The following PEX5L variants were observed in gnomAD, a reference collection of about 807,000 sequenced individuals.
PEX5L encodes the protein PEX5-related protein.
PEX5L carries 30 observed loss-of-function variants against 84.0 expected under a neutral mutation model. That is an observed-to-expected ratio of 0.36 (90% confidence interval 0.27 to 0.48). The LOEUF is 0.48. Ranked by LOEUF, PEX5L falls within the 20% of genes least tolerant of loss-of-function variation. The pLI, the probability that PEX5L is intolerant of heterozygous loss-of-function variation, is 0.99. For missense variants in PEX5L, 533 were observed against 754.6 expected (o/e 0.71, Z 3.44); for synonymous variants, 270 against 283.1 (o/e 0.95, Z 0.46).
chr3:179,840,183 GTTT>G (rs71182521), intron 8 of PEX5L, among the ~76,000 whole-genome samples: 12,357 of 77,498 alleles, frequency 0.16, 551 homozygotes, highest in Non-Finnish European at 0.21. Flanking sequence ...GTGTGTGTGT[GTTT>G]TTTTTTTTTT....
chr3:179,915,912 A>G (rs1045237717), intron 2 of PEX5L, among the ~76,000 whole-genome samples: 1 of 152,248 alleles, frequency 6.6e-6, no homozygotes, highest in Non-Finnish European at 1.5e-5. Flanking sequence ...AATAGTATTC[A>G]GCATGTTACA....
At position 179,887,684 on chromosome 3, in the gene PEX5L, G is replaced by C; in HGVS notation, c.299C>G (p.Ser100Cys). Residue 100 changes from serine (S) to cysteine (C), a missense_variant, in exon 4 of 15, where the codon TCC (serine) becomes TGC (cysteine). Transcript: ENST00000467460. Reference protein sequence around the residue: ...KSEAIARPVTSNTAVLTTGLD... With the variant: ...KSEAIARPVTCNTAVLTTGLD... ...AGTGAGAGAATTACCAGCTGTATTG[G>C]ATGTTACTGGCCTTGCTATTGCTTC... The C allele has an allele frequency of 6.2e-7, 1 of 1,601,994 alleles. No individual in the cohort carries two copies. Among genetic ancestry groups the C allele is most frequent in the Non-Finnish European group, 8.6e-7 (1 of 1,168,920 alleles).
intron 8 of PEX5L, among the ~76,000 whole-genome samples, chr3:179,847,969 A>ATT (rs74271170): frequency 5.5e-4 from 79 of 144,228 alleles, no homozygotes; most frequent in Non-Finnish European, 7.6e-4. Context: ...ACGTTTGGGT[A>ATT]TTTTTTTTTT....
At chr3:179,888,592 T>C (rs910516061) in intron 3 of PEX5L, among the ~76,000 whole-genome samples, 17 of 152,004 alleles carry the variant, frequency 1.1e-4, no homozygotes, top group African/African-American at 4.1e-4. Context: ...GTTTCTACGG[T>C]TAAGGGAGAA....
intron 2 of PEX5L, among the ~76,000 whole-genome samples, chr3:179,917,333 CTTT>C (rs879717616): frequency 1.9e-4 from 28 of 147,852 alleles, no homozygotes; most frequent in South Asian, 4.3e-4. Flanking sequence ...TTACAGCTAA[CTTT>C]TTTTTTTTTT....
chr3:179,930,183 G>A (rs1200262382), intron 2 of PEX5L, among the ~76,000 whole-genome samples: 3 of 152,152 alleles, frequency 2.0e-5, no homozygotes, highest in Non-Finnish European at 4.4e-5. Flanking sequence ...TCTGATGCCT[G>A]CAGAAGTTTG....
intron 2 of PEX5L, among the ~76,000 whole-genome samples, chr3:179,966,347 A>G (rs80276855): frequency 0.011 from 1,635 of 152,276 alleles, 36 homozygotes; most frequent in African/African-American, 0.038. Context: ...TAATACCAAG[A>G]GACAGGGTAT....
intron 1 of PEX5L, among the ~76,000 whole-genome samples, chr3:180,024,381 C>CAAAAAA (rs112285009): frequency 2.0e-5 from 2 of 100,906 alleles, no homozygotes; most frequent in African/African-American, 7.5e-5. Flanking sequence ...TATACACACA[C>CAAAAAA]AAAAAAAAAA....
chr3:179,999,737 C>T (rs1788218521), intron 1 of PEX5L, among the ~76,000 whole-genome samples: 1 of 152,220 alleles, frequency 6.6e-6, no homozygotes, highest in African/African-American at 2.4e-5. Flanking sequence ...GTATTCCACA[C>T]AGCATTGCCT....
chr3:179,863,799 C>T (rs561889825), intron 7 of PEX5L, among the ~76,000 whole-genome samples: 3 of 152,198 alleles, frequency 2.0e-5, no homozygotes, highest in South Asian at 4.2e-4. Flanking sequence ...AGTAGAGCTA[C>T]CACATGATCC....
chr3:179,942,879 A>G lies in PEX5L; in HGVS notation c.93+28715T>C, dbSNP rs533217287. ...GTTACATATAGTAGACATAATGGAA[A>G]GGCCGTATTACTTTGGCATCAGGAG... On this transcript the variant is annotated intron_variant, in intron 2 of 14. Transcript: ENST00000467460. Among the ~76,000 whole-genome samples, 13 of 152,306 alleles carry G rather than the reference A, an allele frequency of 8.5e-5. No homozygotes were observed. The South Asian group carries it at 2.7e-3, about 32-fold the overall frequency.
intron 1 of PEX5L, chr3:179,973,289 C>A (rs2110276516): frequency 1.6e-6 from 2 of 1,284,084 alleles, no homozygotes; most frequent in Middle Eastern, 2.1e-4. Flanking sequence ...GGCTTCCTTG[C>A]CAGAACTTGC....
chr3:179,903,947 G>A (rs1762280160), intron 2 of PEX5L, among the ~76,000 whole-genome samples: 1 of 152,216 alleles, frequency 6.6e-6, no homozygotes, highest in Non-Finnish European at 1.5e-5. Flanking sequence ...AGATCTAGGT[G>A]TAAACAACTG....
chr3:179,927,933 T>C (rs998444872), intron 2 of PEX5L, among the ~76,000 whole-genome samples: 1 of 152,226 alleles, frequency 6.6e-6, no homozygotes, highest in Non-Finnish European at 1.5e-5. Context: ...CATTTCAATA[T>C]GTGATCATAA....
intron 1 of PEX5L, among the ~76,000 whole-genome samples, chr3:180,006,821 C>G (rs935794616): frequency 6.6e-6 from 1 of 152,170 alleles, no homozygotes; most frequent in African/African-American, 2.4e-5. Context: ...GACAGGCCCT[C>G]AAGATTCACT....
At chr3:179,863,845 T>A (rs1046976063) in intron 7 of PEX5L, among the ~76,000 whole-genome samples, 2 of 152,152 alleles carry the variant, frequency 1.3e-5, no homozygotes, top group Admixed American at 6.6e-5. Context: ...CTGATATGGT[T>A]TGGCTGTGTC....
At chr3:180,011,475 C>A (rs972276395) in intron 1 of PEX5L, among the ~76,000 whole-genome samples, 2 of 152,268 alleles carry the variant, frequency 1.3e-5, no homozygotes, top group Non-Finnish European at 1.5e-5. Context: ...ATGTGACTTA[C>A]GGTTACTAAG....
intron 2 of PEX5L, among the ~76,000 whole-genome samples, chr3:179,965,113 CT>C (rs1482176833): frequency 7.9e-5 from 12 of 152,320 alleles, no homozygotes; most frequent in African/African-American, 2.9e-4. Flanking sequence ...GGCAGAAGAG[CT>C]GGCACCGCTG....
chr3:179,997,675 A>G (rs1319142663), intron 1 of PEX5L, among the ~76,000 whole-genome samples: 1 of 152,244 alleles, frequency 6.6e-6, no homozygotes, highest in African/African-American at 2.4e-5. Flanking sequence ...TAGATCTTAG[A>G]GAATGACAGT....
Sources: gnomAD v4.1 joint callset for allele counts (sites outside exome capture counted in the v4.1 genomes callset) on GRCh38, gnomAD v4.1.1 for gene constraint, MANE v1.5 for transcripts, NCBI Gene and HGNC (gene_info 2026-07-23, HGNC 2026-07-21) for gene names.